ZNF875: variants seen among roughly 807,000 people sequenced by gnomAD.
ZNF875 encodes the protein zinc finger protein 875.
A neutral mutation model predicts 11.2 loss-of-function variants in ZNF875; 14 were observed. The observed-to-expected ratio is 1.26, with a 90% CI of 0.83 to 1.96. The LOEUF (loss-of-function observed/expected upper bound fraction) is 1.96. ZNF875 is among the 30% of genes most tolerant of loss of function. The pLI, the probability that ZNF875 is intolerant of heterozygous loss-of-function variation, is 0.00. For synonymous variants in ZNF875, 301 were observed against 281.1 expected (o/e 1.07, Z -0.71); for missense variants, 752 against 760.4 (o/e 0.99, Z 0.13).
intron 2 of ZNF875, among the ~76,000 whole-genome samples, chr19:37,341,609 C>T (rs572783118): frequency 2.9e-4 from 44 of 152,238 alleles, no homozygotes; most frequent in South Asian, 1.7e-3. Flanking sequence ...CGTCATAGAA[C>T]GGGATAACAT....
chr19:37,320,409 A>C (rs1339308243), intron 1 of ZNF875, among the ~76,000 whole-genome samples: 1 of 152,212 alleles, frequency 6.6e-6, no homozygotes, highest in African/African-American at 2.4e-5. Flanking sequence ...CTTCCCAATG[A>C]CAATTCCAAA....
intron 4 of ZNF875, among the ~76,000 whole-genome samples, chr19:37,356,022 A>C (rs997572580): frequency 1.3e-5 from 2 of 152,152 alleles, no homozygotes; most frequent in Admixed American, 6.5e-5. Context: ...TTGTGAGAAC[A>C]TAGGTTATTT....
rs747063730 is a variant in ZNF875 at position 37,362,532 on chromosome 19, A to G, written c.680A>G (p.Lys227Arg). The G allele has an allele frequency of 2.5e-6, 4 of 1,614,124 alleles. No individual in the cohort carries two copies. The highest frequency in any genetic ancestry group is 4.5e-5 in the East Asian group (2 of 44,890). The change falls in exon 5 of 5, where the codon AAA becomes AGA. Residue 227 changes from lysine (K) to arginine (R), a missense_variant. By Grantham distance (26) the Lys-to-Arg change is conservative (BLOSUM62 2). Coordinates refer to ENST00000392153, the MANE Select transcript of ZNF875 (RefSeq NM_001353803.2). ...GLEVSGFGEIKYEEFGPGFIK... is the reference protein window; with the variant it reads ...GLEVSGFGEIRYEEFGPGFIK... ...GAAGTCTCAGGATTTGGAGAAATCA[A>G]ATATGAAGAGTTTGGGCCAGGCTTT...
chr19:37,342,081 C>T (rs143649290), intron 2 of ZNF875, among the ~76,000 whole-genome samples: 19 of 152,278 alleles, frequency 1.2e-4, no homozygotes, highest in African/African-American at 4.6e-4. Context: ...GGCAAGGTGT[C>T]GGTGCTATGG....
At chr19:37,332,436 C>T (rs3948135), upstream of ZNF875, among the ~76,000 whole-genome samples, 5 of 152,144 alleles carry the variant, frequency 3.3e-5, no homozygotes, top group African/African-American at 1.2e-4. Flanking sequence ...AGGCTGGTCT[C>T]GAACTCCCGA....
chr19:37,331,373 C>T (rs1367188843), upstream of ZNF875, among the ~76,000 whole-genome samples: 1 of 151,754 alleles, frequency 6.6e-6, no homozygotes, highest in African/African-American at 2.4e-5. Context: ...GGATTACAGG[C>T]AGTGGCCACC....
At chr19:37,347,355 C>T (rs932722554) in intron 3 of ZNF875, 39 bp downstream of exon 3, 1 of 1,584,320 alleles carries the variant, frequency 6.3e-7, no homozygotes, top group Non-Finnish European at 8.6e-7. Flanking sequence ...ATCTGCCCTA[C>T]AGAGTATTTT....
rs1326142272 is a variant in ZNF875, at chr19:37,329,059, C to T, written c.-603+4794C>T. 3 of 152,100 alleles carry T rather than the reference C, an allele frequency of 2.0e-5. No homozygotes were observed. The East Asian group carries it at 5.8e-4, about 29-fold the overall frequency. 9.4% of individuals were successfully genotyped at this position (152,100 alleles called of 1,614,324 possible). A position where few individuals can be genotyped will look rare whatever the true frequency, so the allele number is the denominator to read the frequency against. On this transcript the variant is annotated intron_variant, in intron 4 of 5. Coordinates refer to the ZNF875 transcript ENST00000544914. ...ACCCAACAATCTGTGTTTAACAAGT[C>T]CCCAGGTGAGTCTGATGCACAAAGA... is the stretch of plus-strand genomic sequence containing the variant.
upstream of ZNF875, among the ~76,000 whole-genome samples, chr19:37,313,565 C>G (rs2030053152): frequency 6.6e-6 from 1 of 152,076 alleles, no homozygotes; most frequent in Non-Finnish European, 1.5e-5. Flanking sequence ...TTCCATGGAC[C>G]TCATCACTAT....
chr19:37,329,929 T>A (rs1213603579), upstream of ZNF875, among the ~76,000 whole-genome samples: 1 of 152,154 alleles, frequency 6.6e-6, no homozygotes, highest in Non-Finnish European at 1.5e-5. Flanking sequence ...TAGTCTTGAA[T>A]CCTGGAGTTC....
intron 1 of ZNF875, among the ~76,000 whole-genome samples, chr19:37,319,909 C>T (rs940790728): frequency 6.6e-6 from 1 of 152,058 alleles, no homozygotes; most frequent in Non-Finnish European, 1.5e-5. Context: ...TTTTTTGAGA[C>T]GGAGTCTCGC....
At chr19:37,319,344 C>CATATATATATATATATAT (rs146774743) in intron 1 of ZNF875, among the ~76,000 whole-genome samples, 1,182 of 111,994 alleles carry the variant, frequency 0.011, 43 homozygotes, top group African/African-American at 0.026. Context: ...CTGCAGCCGG[C>CATATATATATATATATAT]ATATATATAT....
At chr19:37,359,409 C>CTTTTT (rs71177443) in intron 4 of ZNF875, 2 of 188,480 alleles carry the variant, frequency 1.1e-5, no homozygotes, top group Non-Finnish European at 2.2e-5. Context: ...ATAGTCTTTT[C>CTTTTT]TTTTTTTTTT....
chr19:37,353,170 G>A (rs144979013), intron 4 of ZNF875, among the ~76,000 whole-genome samples: 7 of 152,186 alleles, frequency 4.6e-5, no homozygotes, highest in East Asian at 1.9e-4. Flanking sequence ...CACCGCGCCC[G>A]GCTCCTTTTT....
At chr19:37,352,874 C>CTTTTTTT (rs60469285) in intron 4 of ZNF875, among the ~76,000 whole-genome samples, 7 of 87,754 alleles carry the variant, frequency 8.0e-5, no homozygotes, top group Non-Finnish European at 1.6e-4. Flanking sequence ...ATTCTTTTTT[C>CTTTTTTT]TTTTTTTTTT....
chr19:37,330,726 A>G (rs1257025488), upstream of ZNF875, among the ~76,000 whole-genome samples: 2 of 152,124 alleles, frequency 1.3e-5, no homozygotes, highest in Admixed American at 6.5e-5. Flanking sequence ...TATTCATTTA[A>G]AATTAATCTT....
In ZNF875 at chr19:37,363,295, G is replaced by A. The variant is rs150608212; in HGVS notation, c.1443G>A (p.Thr481=). ...CGGGGGAGAAGCCATTTGTATGTAC[G>A]GAGTGTGGGCGAGGCTTTACCCGGA... is the stretch of plus-strand genomic sequence containing the variant. ...SHTGEKPFVC[T]ECGRGFTRKS... Residue 481 remains threonine, a synonymous_variant, in exon 5 of 5, where the codon ACG becomes ACA. Transcript: ENST00000392153. 5,415 of 1,613,672 alleles carry A rather than the reference G, an allele frequency of 3.4e-3. 12 individuals are homozygous for A. The highest frequency in any genetic ancestry group is 5.1e-3 in the Middle Eastern group (31 of 6,058).
chr19:37,326,366 A>G (rs1278616218), intron 4 of ZNF875, among the ~76,000 whole-genome samples: 1 of 152,130 alleles, frequency 6.6e-6, no homozygotes, highest in Non-Finnish European at 1.5e-5. Context: ...GTCTGTGACT[A>G]TCGTGTCCCT....
In ZNF875 at chr19:37,362,936, G is replaced by A. The variant is rs1311769983; in HGVS notation, c.1084G>A (p.Gly362Arg). 1.9e-6 allele frequency: 3 copies of A among 1,614,078 alleles called. No individual in the cohort carries two copies. The highest frequency in any genetic ancestry group is 2.5e-6 in the Non-Finnish European group (3 of 1,180,050). The change falls in exon 5 of 5, where the codon GGG becomes AGG. Residue 362 changes from glycine to arginine, a missense_variant. Transcript: ENST00000392153. ...CATTACCCACCAGAGGGCGCACACTGGGGAGAAGCCTTATGTTTGCAGGGA... is the reference window on the plus strand; with the variant it reads ...CATTACCCACCAGAGGGCGCACACTAGGGAGAAGCCTTATGTTTGCAGGGA... ...NLITHQRAHT[G>R]EKPYVCRECG...
Sources: gnomAD v4.1 joint callset for allele counts (sites outside exome capture counted in the v4.1 genomes callset) on GRCh38, gnomAD v4.1.1 for gene constraint, MANE v1.5 for transcripts, NCBI Gene and HGNC (gene_info 2026-07-23, HGNC 2026-07-21) for gene names.